The following MEIS1 variants were observed in gnomAD, a reference collection of about 807,000 sequenced individuals.
MEIS1 encodes the protein Meis homeobox 1, also known as homeobox protein Meis1.
Under a neutral mutation model 50.8 loss-of-function variants are expected in MEIS1, and 5 were observed. The observed-to-expected ratio is 0.10, with a 90% CI of 0.05 to 0.21. MEIS1 has a LOEUF of 0.21. Among genes scored for constraint, MEIS1 ranks in the 10% least tolerant of loss-of-function variants. The probability of loss-of-function intolerance (pLI) is 1.00; values close to 1 mark genes in which losing one functional copy is unlikely to be tolerated. For missense variants in MEIS1, 318 were observed against 517.3 expected (o/e 0.61, Z 3.74); for synonymous variants, 176 against 179.3 (o/e 0.98, Z 0.15).
At chr2:66,536,921 T>C (rs971687567) in intron 8 of MEIS1, among the ~76,000 whole-genome samples, 1 of 152,252 alleles carries the variant, frequency 6.6e-6, no homozygotes, top group African/African-American at 2.4e-5. Context: ...TTTTAAATTT[T>C]AGCTTTACAA....
chr2:66,511,594 C>T, intron 7 of MEIS1, among the ~76,000 whole-genome samples: 1 of 152,284 alleles, frequency 6.6e-6, no homozygotes. Context: ...CTCTCTATTA[C>T]AAGAAAAATT....
intron 9 of MEIS1, among the ~76,000 whole-genome samples, chr2:66,562,324 A>C (rs1675239919): frequency 6.6e-6 from 1 of 151,740 alleles, no homozygotes; most frequent in Admixed American, 6.6e-5. Flanking sequence ...GTTCTGCCAG[A>C]TCTTGCTCAG....
At chr2:66,538,886 T>TG (rs984794801) in intron 8 of MEIS1, among the ~76,000 whole-genome samples, 8 of 151,984 alleles carry the variant, frequency 5.3e-5, no homozygotes, top group African/African-American at 7.2e-5. Flanking sequence ...AGTTTTTTTT[T>TG]TTTTTTTGTT....
In MEIS1 at chr2:66,449,148, C is replaced by T. The variant is rs373336431; in HGVS notation, c.630+6100C>T. On this transcript the variant is annotated intron_variant, in intron 6 of 12. Transcript: ENST00000272369. ...TGACACAGTTTATCTGACAGTTGTGCGGATGTTATTATAGATTTAAAGATT... is the reference window on the plus strand; with the variant it reads ...TGACACAGTTTATCTGACAGTTGTGTGGATGTTATTATAGATTTAAAGATT... 1.9e-4 allele frequency among the ~76,000 whole-genome samples: 29 copies of T among 152,054 alleles called. 1 individual carries two copies. The highest frequency in any genetic ancestry group is 6.3e-4 in the African/African-American group (26 of 41,526).
At chr2:66,446,746 C>T (rs985310443) in intron 6 of MEIS1, among the ~76,000 whole-genome samples, 3 of 152,184 alleles carry the variant, frequency 2.0e-5, no homozygotes, top group African/African-American at 7.2e-5. Context: ...GCTCGCCAGG[C>T]AGGTTAAATG....
intron 7 of MEIS1, among the ~76,000 whole-genome samples, chr2:66,465,591 A>G (rs968569535): frequency 6.6e-6 from 1 of 152,116 alleles, no homozygotes; most frequent in African/African-American, 2.4e-5. Context: ...ATGGAATATA[A>G]ATTCTTTTTC....
intron 8 of MEIS1, among the ~76,000 whole-genome samples, chr2:66,533,391 C>G (rs1193526067): frequency 2.6e-5 from 4 of 152,130 alleles, no homozygotes; most frequent in African/African-American, 9.7e-5. Flanking sequence ...CCGAGGGTGA[C>G]TTAGGCACTT....
intron 7 of MEIS1, among the ~76,000 whole-genome samples, chr2:66,473,377 T>TAAAAAAA (rs1672809161): frequency 2.1e-5 from 1 of 47,398 alleles, no homozygotes; most frequent in African/African-American, 1.9e-4. Context: ...AGACTCCATG[T>TAAAAAAA]CAAAAAAAAA....
At chr2:66,473,379 A>C (rs1202706661) in intron 7 of MEIS1, among the ~76,000 whole-genome samples, 6 of 88,774 alleles carry the variant, frequency 6.8e-5, no homozygotes, top group Admixed American at 5.7e-4. Context: ...ACTCCATGTC[A>C]AAAAAAAAAA....
At chr2:66,444,710 G>A (rs1166452843) in intron 6 of MEIS1, among the ~76,000 whole-genome samples, 1 of 152,214 alleles carries the variant, frequency 6.6e-6, no homozygotes, top group Non-Finnish European at 1.5e-5. Flanking sequence ...GCCCTGGCCC[G>A]GGAGCTGTTG....
intron 7 of MEIS1, chr2:66,508,962 C>T (rs1457185126): frequency 2.1e-6 from 1 of 466,470 alleles, no homozygotes; most frequent in Admixed American, 2.4e-5. Flanking sequence ...TCACTGCTGA[C>T]ATTTTACAAA....
intron 12 of MEIS1, 64 bp downstream of exon 12, chr2:66,569,209 T>G (rs974058012): frequency 7.3e-7 from 1 of 1,372,122 alleles, no homozygotes; most frequent in Non-Finnish European, 1.0e-6. Context: ...TTGCATTTTC[T>G]TATGTTCTCC....
At chr2:66,503,379 G>A (rs1673603117) in intron 7 of MEIS1, among the ~76,000 whole-genome samples, 1 of 152,118 alleles carries the variant, frequency 6.6e-6, no homozygotes, top group African/African-American at 2.4e-5. Flanking sequence ...GGCCTGGAAT[G>A]CTCGCCTCTG....
At position 66,544,262 on chromosome 2, in the gene MEIS1, A is replaced by AT. The variant is rs199725551; in HGVS notation, c.889-3672dup. Among the ~76,000 whole-genome samples the AT allele has an allele frequency of 4.7e-4, 71 of 150,996 alleles. No individual in the cohort carries two copies. The East Asian group carries it at 5.8e-3, about 12-fold the overall frequency. ...TGGCATGCTGGGTTTTTGTCAAGTC[A>AT]TTTTTTTTTAAGTCTATAAAAGAAT... is the stretch of plus-strand genomic sequence containing the variant. On this transcript the variant is annotated intron_variant, in intron 8 of 12. Coordinates refer to ENST00000272369, the MANE Select transcript of MEIS1 (RefSeq NM_002398.3).
chr2:66,503,648 C>T (rs1172860307), intron 7 of MEIS1, among the ~76,000 whole-genome samples: 4 of 140,794 alleles, frequency 2.8e-5, no homozygotes, highest in Non-Finnish European at 6.0e-5. Context: ...CAAGTGTTGG[C>T]CTAGTGTTTG....
intron 1 of MEIS1, among the ~76,000 whole-genome samples, chr2:66,436,268 A>G (rs190407932): frequency 1.3e-5 from 2 of 152,342 alleles, no homozygotes; most frequent in African/African-American, 4.8e-5. Context: ...CATCTTTAAT[A>G]TCACTAGAAG....
At chr2:66,516,254 C>T (rs1427964554) in intron 8 of MEIS1, among the ~76,000 whole-genome samples, 1 of 152,124 alleles carries the variant, frequency 6.6e-6, no homozygotes, top group African/African-American at 2.4e-5. Context: ...AGCTCCCGTG[C>T]TTCCAGGAAT....
intron 8 of MEIS1, among the ~76,000 whole-genome samples, chr2:66,522,365 A>G (rs558899093): frequency 6.6e-6 from 1 of 152,348 alleles, no homozygotes; most frequent in East Asian, 1.9e-4. Context: ...TTTTTAGATA[A>G]GCCCCTTTGC....
At chr2:66,462,580 C>G (rs1352924120) in intron 6 of MEIS1, among the ~76,000 whole-genome samples, 1 of 152,182 alleles carries the variant, frequency 6.6e-6, no homozygotes, top group Non-Finnish European at 1.5e-5. Context: ...TTCTGCAGAG[C>G]TCTGAATAAA....
Sources: gnomAD v4.1 joint callset for allele counts (sites outside exome capture counted in the v4.1 genomes callset) on GRCh38, gnomAD v4.1.1 for gene constraint, MANE v1.5 for transcripts, NCBI Gene and HGNC (gene_info 2026-07-23, HGNC 2026-07-21) for gene names.